ANKRD11: variants seen among roughly 807,000 people sequenced by gnomAD.
ANKRD11 encodes ankyrin repeat domain 11.
ANKRD11 carries 17 observed loss-of-function variants against 195.7 expected under a neutral mutation model. That is an observed-to-expected ratio of 0.09 (90% confidence interval 0.06 to 0.13). The LOEUF (loss-of-function observed/expected upper bound fraction) is 0.13. Ranked by LOEUF, ANKRD11 falls within the 10% of genes least tolerant of loss-of-function variation. The pLI, the probability that ANKRD11 is intolerant of heterozygous loss-of-function variation, is 1.00. For synonymous variants in ANKRD11, 1,953 were observed against 1,528.1 expected (o/e 1.28, Z -6.49); for missense variants, 3,735 against 3,566.1 (o/e 1.05, Z -1.21).
intron 2 of ANKRD11, among the ~76,000 whole-genome samples, chr16:89,405,977 G>C (rs1348603936): frequency 6.6e-6 from 1 of 152,060 alleles, no homozygotes; most frequent in Admixed American, 6.5e-5. Context: ...GGGCGTGGTG[G>C]CACACACCTG....
intron 1 of ANKRD11, among the ~76,000 whole-genome samples, chr16:89,479,776 C>T (rs2152369344): frequency 6.6e-6 from 1 of 151,642 alleles, no homozygotes; most frequent in South Asian, 2.1e-4. Flanking sequence ...ACCCCATCTC[C>T]ACTAAAAATA....
intron 2 of ANKRD11, among the ~76,000 whole-genome samples, chr16:89,385,337 C>T (rs538103447): frequency 2.6e-5 from 4 of 152,126 alleles, no homozygotes; most frequent in Middle Eastern, 3.4e-3. Flanking sequence ...CCATGTTGGC[C>T]GGGCTGGTCT....
In ANKRD11 at chr16:89,471,203, A is replaced by T. The variant is rs74722273; in HGVS notation, c.-145+19042T>A. Among the ~76,000 whole-genome samples, 286 of 152,216 alleles carry T rather than the reference A, an allele frequency of 1.9e-3. 3 individuals carry two copies. Among genetic ancestry groups the T allele is most frequent in the African/African-American group, 6.1e-3 (255 of 41,546 alleles). On this transcript the variant is annotated intron_variant, in intron 1 of 12. Coordinates refer to ENST00000301030, the MANE Select transcript of ANKRD11 (RefSeq NM_013275.6). Reference sequence around the variant, plus strand: ...CCCACCTCTGTTTTAAAAGTAAAAAAAAATAAATAAATAAAACTAAAGCAC... The same window carrying T: ...CCCACCTCTGTTTTAAAAGTAAAAATAAATAAATAAATAAAACTAAAGCAC...
rs552311860 is a variant in ANKRD11 at position 89,290,454 on chromosome 16, G to A, written c.601+171C>T. ...GGGGGGAGGCTCAGGGCTCCAATGG[G>A]GTGAGGCTCAGGGCTCCAGCGGGGG... On this transcript the variant is annotated intron_variant, in intron 6 of 12. Transcript: ENST00000301030. Among the ~76,000 whole-genome samples the A allele has an allele frequency of 1.4e-4, 13 of 93,558 alleles. 1 individual carries two copies. Among genetic ancestry groups the A allele is most frequent in the Non-Finnish European group, 3.2e-4 (13 of 41,184 alleles). 61.4% of individuals were successfully genotyped at this position (93,558 alleles called of 152,430 possible).
At position 89,346,286 on chromosome 16, in the gene ANKRD11, A is replaced by T. The variant is rs928918284; in HGVS notation, c.-59-29208T>A. 3.3e-5 allele frequency among the ~76,000 whole-genome samples: 5 copies of T among 151,556 alleles called. No individual in the cohort carries two copies. The East Asian group carries it at 9.7e-4, about 29-fold the overall frequency. On this transcript the variant is annotated intron_variant, in intron 2 of 12. Transcript: ENST00000301030. ...AAAAAAAAAAGAATCAACACAACAGAGAAAATGCGCCTCAGCCACGGAGCA... is the reference window on the plus strand; with the variant it reads ...AAAAAAAAAAGAATCAACACAACAGTGAAAATGCGCCTCAGCCACGGAGCA...
At chr16:89,474,096 G>A (rs760506026) in intron 1 of ANKRD11, among the ~76,000 whole-genome samples, 11 of 152,108 alleles carry the variant, frequency 7.2e-5, no homozygotes, top group South Asian at 2.1e-4. Flanking sequence ...AAAGACTTGC[G>A]TCCCACAATC....
At chr16:89,305,447 C>A in intron 3 of ANKRD11, 103 bp from the exon 4 acceptor site, 3 of 1,490,956 alleles carry the variant, frequency 2.0e-6, no homozygotes, top group East Asian at 2.3e-5. Flanking sequence ...CTTATTTGGG[C>A]AATGAACACC....
At chr16:89,292,569 G>T (rs2035132384) in intron 4 of ANKRD11, among the ~76,000 whole-genome samples, 2 of 151,760 alleles carry the variant, frequency 1.3e-5, no homozygotes, top group Non-Finnish European at 2.9e-5. Context: ...GGACAAGCCT[G>T]CAGGAAGGCA....
At chr16:89,440,906 A>C (rs555950402) in intron 1 of ANKRD11, among the ~76,000 whole-genome samples, 1 of 152,316 alleles carries the variant, frequency 6.6e-6, no homozygotes, top group South Asian at 2.1e-4. Flanking sequence ...GTCACAGTCA[A>C]AACGGAAAGA....
chr16:89,322,526 AGTC>A (rs2037391513), intron 2 of ANKRD11, among the ~76,000 whole-genome samples: 1 of 152,250 alleles, frequency 6.6e-6, no homozygotes, highest in Non-Finnish European at 1.5e-5. Flanking sequence ...GAAGACAGGA[AGTC>A]AGCAGCAGGG....
At chr16:89,382,976 G>A (rs1266554603) in intron 2 of ANKRD11, among the ~76,000 whole-genome samples, 2 of 152,218 alleles carry the variant, frequency 1.3e-5, no homozygotes, top group African/African-American at 4.8e-5. Context: ...GAGGAGCTGG[G>A]ATTACAGGCG....
intron 1 of ANKRD11, among the ~76,000 whole-genome samples, chr16:89,466,347 A>T (rs2056884359): frequency 1.3e-5 from 2 of 152,148 alleles, no homozygotes. Flanking sequence ...GGAAAGGGGG[A>T]AGGGGGACAA....
chr16:89,458,288 G>A (rs548917987), intron 1 of ANKRD11, among the ~76,000 whole-genome samples: 3 of 151,560 alleles, frequency 2.0e-5, no homozygotes, highest in Non-Finnish European at 2.9e-5. Context: ...GCAGTGGCGC[G>A]ATCTCCGCTC....
chr16:89,417,903 T>A (rs2042370828), intron 2 of ANKRD11, among the ~76,000 whole-genome samples: 1 of 151,912 alleles, frequency 6.6e-6, no homozygotes, highest in Admixed American at 6.5e-5. Flanking sequence ...ACGCAAACTG[T>A]TAACACAACA....
At chr16:89,321,463 G>A (rs2037321194) in intron 2 of ANKRD11, among the ~76,000 whole-genome samples, 1 of 150,730 alleles carries the variant, frequency 6.6e-6, no homozygotes, top group African/African-American at 2.4e-5. Context: ...GAGCTGCGGG[G>A]CGGGGACTGT....
At chr16:89,484,518 A>AC (rs1389304673) in intron 1 of ANKRD11, among the ~76,000 whole-genome samples, 1 of 152,200 alleles carries the variant, frequency 6.6e-6, no homozygotes, top group Admixed American at 6.5e-5. Flanking sequence ...ACTTGGAAAT[A>AC]CTGCATTCCA....
At chr16:89,297,191 G>A (rs114895566) in intron 4 of ANKRD11, among the ~76,000 whole-genome samples, 2 of 152,142 alleles carry the variant, frequency 1.3e-5, no homozygotes, top group Non-Finnish European at 2.9e-5. Context: ...TAATTTCTAG[G>A]CTTTTCTAGC....
At chr16:89,310,999 T>TGAC (rs1347846275) in intron 3 of ANKRD11, among the ~76,000 whole-genome samples, 1 of 152,286 alleles carries the variant, frequency 6.6e-6, no homozygotes, top group African/African-American at 2.4e-5. Context: ...ATTCAGTCTT[T>TGAC]GACATTAAAT....
intron 1 of ANKRD11, among the ~76,000 whole-genome samples, chr16:89,442,500 C>A (rs137942175): frequency 6.6e-6 from 1 of 152,300 alleles, no homozygotes; most frequent in Admixed American, 6.5e-5. Context: ...TTCCCCCACA[C>A]GCTGTTTGTC....
Sources: gnomAD v4.1 joint callset for allele counts (sites outside exome capture counted in the v4.1 genomes callset) on GRCh38, gnomAD v4.1.1 for gene constraint, MANE v1.5 for transcripts, NCBI Gene and HGNC (gene_info 2026-07-23, HGNC 2026-07-21) for gene names.